Variants in RAB3D observed in about 807,000 individuals in gnomAD.
RAB3D encodes the protein ras-related protein Rab-3D.
Under a neutral mutation model 19.3 loss-of-function variants are expected in RAB3D, and 17 were observed. The ratio of observed to expected loss-of-function variants is 0.88; its 90% CI spans 0.60 to 1.32. RAB3D has a LOEUF of 1.32. RAB3D is among the 40% of genes most tolerant of loss of function. The pLI is 0.00. For synonymous variants in RAB3D, 103 were observed against 119.9 expected, an observed-to-expected ratio of 0.86 and a Z score of 0.92; for missense variants, 223 against 299.1, an observed-to-expected ratio of 0.75 and a Z score of 1.88.
chr19:11,330,097 G>A (rs903453986), intron 4 of RAB3D, among the ~76,000 whole-genome samples: 1 of 152,046 alleles, frequency 6.6e-6, no homozygotes, highest in African/African-American at 2.4e-5. Flanking sequence ...CCAGCCCATC[G>A]CGGGCGTTAA....
intron 2 of RAB3D, among the ~76,000 whole-genome samples, chr19:11,336,013 G>A (rs1329082671): frequency 2.0e-5 from 3 of 152,234 alleles, no homozygotes; most frequent in Non-Finnish European, 4.4e-5. Flanking sequence ...TGATGAGGGA[G>A]AGACTTGGGC....
chr19:11,331,907 T>A (rs545491776), intron 4 of RAB3D, among the ~76,000 whole-genome samples: 95 of 152,214 alleles, frequency 6.2e-4, no homozygotes, highest in African/African-American at 2.2e-3. Flanking sequence ...TTGCTCTCAA[T>A]GCTCTAGGAA....
Position 11,335,465 on chromosome 19 carries a change from T to TG in RAB3D, c.453_454insC (p.Arg152GlnfsTer12). ...CACTAACCAAGGTCGTCGGCGAGCC[T>TG]CCGGCCATCCTCAGCAGGCACAACA... On this transcript the variant is annotated frameshift_variant, in exon 4 of 5. Coordinates refer to ENST00000222120, the MANE Select transcript of RAB3D (RefSeq NM_004283.4). LOFTEE classifies it high-confidence loss of function. 2 of 1,614,086 alleles carry TG rather than the reference T, an allele frequency of 1.2e-6. No homozygotes were observed. The highest frequency in any genetic ancestry group is 1.7e-6 in the Non-Finnish European group (2 of 1,180,012).
rs445169 is a variant in RAB3D at position 11,322,967 on chromosome 19, A to C, written c.*2431T>G. The C allele has an allele frequency of 0.19, 28,229 of 151,888 alleles. 5,514 individuals are homozygous for C. The highest frequency in any genetic ancestry group is 0.5 in the African/African-American group (20,522 of 41,262). 9.4% of individuals were successfully genotyped at this position (151,888 alleles called of 1,614,324 possible). A position where few individuals can be genotyped will look rare whatever the true frequency, so the allele number is the denominator to read the frequency against. ...TCGCTACTAAAAATGCAAAACTTAG[A>C]TGGGCGTGGTGGCAGGTGCCTGTAG... On this transcript the variant is annotated 3_prime_UTR_variant, in exon 5 of 5. Transcript: ENST00000222120.
intron 1 of RAB3D, among the ~76,000 whole-genome samples, chr19:11,337,704 C>A (rs186003517): frequency 3.1e-4 from 46 of 149,938 alleles, no homozygotes; most frequent in Non-Finnish European, 5.6e-4. Context: ...AGATCTCGCT[C>A]TGTTGCCTGA....
rs778768031 is a variant in RAB3D at position 11,324,419 on chromosome 19, C to A, written c.*979G>T. 1 of 152,290 alleles carries A rather than the reference C, an allele frequency of 6.6e-6. No homozygotes were observed. The highest frequency in any genetic ancestry group is 2.4e-5 in the African/African-American group (1 of 41,448). The allele number at this position is 152,290 out of a possible 1,614,324, so 9.4% of individuals were successfully genotyped here. ...TCAGAAAGTCGCCGACAACTGCCTG[C>A]GGTGGCTGGGAACGTTGCTTCATTT... is the stretch of plus-strand genomic sequence containing the variant. On this transcript the variant is annotated 3_prime_UTR_variant, in exon 5 of 5. Transcript: ENST00000222120.
intron 4 of RAB3D, among the ~76,000 whole-genome samples, chr19:11,329,520 T>C (rs2080828524): frequency 6.6e-6 from 1 of 151,220 alleles, no homozygotes; most frequent in African/African-American, 2.4e-5. Flanking sequence ...GGCAGGAGAA[T>C]TGCTTGAACC....
chr19:11,334,549 G>A (rs542975266), intron 4 of RAB3D, among the ~76,000 whole-genome samples: 30 of 152,196 alleles, frequency 2.0e-4, no homozygotes, highest in South Asian at 8.3e-4. Context: ...AGCACTTTGG[G>A]AGGCTGAGGA....
intron 1 of RAB3D, among the ~76,000 whole-genome samples, chr19:11,338,161 A>C (rs1443989536): frequency 1.3e-5 from 2 of 152,226 alleles, no homozygotes; most frequent in Admixed American, 1.3e-4. Flanking sequence ...GGCACAAAAA[A>C]TGTGACTGCT....
At chr19:11,326,926 G>A (rs2147966469) in intron 4 of RAB3D, 1 of 518,728 alleles carries the variant, frequency 1.9e-6, no homozygotes, top group Non-Finnish European at 3.4e-6. Context: ...ATCCTTTTAA[G>A]GTTCCTGAGG....
chr19:11,325,690 C>T, intron 4 of RAB3D, 105 bp from the exon 5 acceptor site: 1 of 1,095,340 alleles, frequency 9.1e-7, no homozygotes, highest in Non-Finnish European at 1.3e-6. Context: ...GCTCTTTATC[C>T]TGCTGTGGGA....
chr19:11,338,591 T>C (rs1377981934), intron 1 of RAB3D, among the ~76,000 whole-genome samples: 2 of 152,112 alleles, frequency 1.3e-5, no homozygotes, highest in Middle Eastern at 6.3e-3. Flanking sequence ...ACCCCCTAAA[T>C]GGGTACTGCT....
rs1478929202 is a variant in RAB3D at position 11,335,646 on chromosome 19, A to G, written c.347+19T>C. 1.2e-6 allele frequency: 2 copies of G among 1,613,402 alleles called. No individual in the cohort carries two copies. The highest frequency in any genetic ancestry group is 2.2e-5 in the East Asian group (1 of 44,880). ...AGGAGAGGGCAAAGATCAGGGGTCC[A>G]TGATCAGCAAGCACTCACCAGTCCT... On this transcript the variant is annotated intron_variant, in intron 3 of 4. Transcript: ENST00000222120.
At position 11,335,589 on chromosome 19, in the gene RAB3D, G is replaced by C. The variant is rs2080849751; in HGVS notation, c.348-18C>G. 6.2e-7 allele frequency: 1 copy of C among 1,613,888 alleles called. No individual in the cohort carries two copies. The highest frequency in any genetic ancestry group is 1.3e-5 in the African/African-American group (1 of 74,912). On this transcript the variant is annotated intron_variant, in intron 3 of 4. Transcript: ENST00000222120. ...GCGTGGCCCTGCAGAGTTACCAGTG[G>C]TGAGCCATGAGCCGGGGGGGTTAGG...
rs760932749 is a variant in RAB3D, at chr19:11,335,799, T to C, written c.229-16A>G. 3 of 1,610,122 alleles carry C rather than the reference T, an allele frequency of 1.9e-6. No homozygotes were observed. Among genetic ancestry groups the C allele is most frequent in the Admixed American group, 1.7e-5 (1 of 60,002 alleles). ...CCGCTGTGTCCTGGACAAATGGCAG[T>C]GGCAGTTGGCTGGGAACTACCTGTT... On this transcript the variant is annotated splice_polypyrimidine_tract_variant and intron_variant, in intron 2 of 4. Coordinates refer to ENST00000222120, the MANE Select transcript of RAB3D (RefSeq NM_004283.4).
intron 3 of RAB3D, 31 bp from the exon 4 acceptor site, chr19:11,335,602 C>CT: frequency 1.2e-6 from 2 of 1,613,548 alleles, no homozygotes; most frequent in Non-Finnish European, 1.7e-6. Flanking sequence ...AGCCATGAGC[C>CT]GGGGGGGTTA....
rs2080786597 is a variant in RAB3D at position 11,322,595 on chromosome 19, C to CGAAA, written c.*2802_*2803insTTTC. ...GGTAATCTGCAAAAACATCAGTTTT[C>CGAAA]AGTCCCCAGAGACCATTTCCAATTA... On this transcript the variant is annotated 3_prime_UTR_variant, in exon 5 of 5. Coordinates refer to ENST00000222120, the MANE Select transcript of RAB3D (RefSeq NM_004283.4). 6.6e-6 allele frequency: 1 copy of CGAAA among 152,194 alleles called. No homozygotes were observed. The highest frequency in any genetic ancestry group is 2.4e-5 in the African/African-American group (1 of 41,446). The allele number at this position is 152,194 out of a possible 1,614,324, so 9.4% of individuals were successfully genotyped here. A position where few individuals can be genotyped will look rare whatever the true frequency, so the allele number is the denominator to read the frequency against.
At chr19:11,333,713 A>C (rs1478348654) in intron 4 of RAB3D, among the ~76,000 whole-genome samples, 1 of 148,514 alleles carries the variant, frequency 6.7e-6, no homozygotes, top group Non-Finnish European at 1.5e-5. Flanking sequence ...TTTTCTTTTG[A>C]GACAGAGTCT....
At chr19:11,337,557 T>A (rs1363049014) in intron 1 of RAB3D, 97 bp from the exon 2 acceptor site, 2 of 628,976 alleles carry the variant, frequency 3.2e-6, no homozygotes, top group African/African-American at 3.6e-5. Flanking sequence ...TGATGCTGGA[T>A]GCATCGCTTG....
Sources: allele counts gnomAD v4.1 joint callset (sites outside exome capture counted in the v4.1 genomes callset), GRCh38; gene constraint gnomAD v4.1.1; transcripts MANE v1.5; gene names NCBI Gene and HGNC (gene_info 2026-07-23, HGNC 2026-07-21).